The following PTPRD variants were observed in gnomAD, a reference collection of about 807,000 sequenced individuals.
PTPRD encodes the protein receptor-type tyrosine-protein phosphatase delta.
Under a neutral mutation model 214.5 loss-of-function variants are expected in PTPRD, and 34 were observed. The ratio of observed to expected loss-of-function variants is 0.16; its 90% CI spans 0.12 to 0.21. PTPRD has a LOEUF of 0.21. Among genes scored for constraint, PTPRD ranks in the 10% least tolerant of loss-of-function variants. The pLI, the probability that PTPRD is intolerant of heterozygous loss-of-function variation, is 1.00. For synonymous variants in PTPRD, 1,128 were observed against 845.7 expected, an observed-to-expected ratio of 1.33 and a Z score of -5.79; for missense variants, 2,545 against 2,398.7, an observed-to-expected ratio of 1.06 and a Z score of -1.27.
chr9:10,463,553 G>T (rs373193155), intron 2 of PTPRD, among the ~76,000 whole-genome samples: 1 of 152,116 alleles, frequency 6.6e-6, no homozygotes, highest in African/African-American at 2.4e-5. Context: ...AAAGTGTTGA[G>T]ATTGAATTCA....
chr9:10,152,578 C>G (rs535104585), intron 3 of PTPRD, among the ~76,000 whole-genome samples: 4 of 152,276 alleles, frequency 2.6e-5, no homozygotes, highest in Non-Finnish European at 4.4e-5. Flanking sequence ...GTAATCCCAG[C>G]ACTTTGGGAG....
intron 9 of PTPRD, among the ~76,000 whole-genome samples, chr9:9,302,789 T>C (rs1955890086): frequency 6.6e-6 from 1 of 151,772 alleles, no homozygotes; most frequent in African/African-American, 2.4e-5. Flanking sequence ...TTTAACTAGT[T>C]AACTCCTATG....
At chr9:10,065,070 C>T (rs945863013) in intron 3 of PTPRD, among the ~76,000 whole-genome samples, 7 of 150,828 alleles carry the variant, frequency 4.6e-5, no homozygotes, top group Non-Finnish European at 7.4e-5. Flanking sequence ...TTTGCCTTGC[C>T]TAGATTGCTA....
At chr9:9,864,536 T>G (rs2063517983) in intron 5 of PTPRD, among the ~76,000 whole-genome samples, 1 of 152,134 alleles carries the variant, frequency 6.6e-6, no homozygotes, top group African/African-American at 2.4e-5. Flanking sequence ...GTTTGTTTTT[T>G]GAGGCACGGT....
intron 11 of PTPRD, among the ~76,000 whole-genome samples, chr9:8,867,923 T>C (rs144585927): frequency 6.6e-6 from 1 of 152,258 alleles, no homozygotes; most frequent in African/African-American, 2.4e-5. Flanking sequence ...CTAGATTACA[T>C]TGTTGTTGTT....
chr9:8,548,117 A>G (rs1593368377), intron 14 of PTPRD, among the ~76,000 whole-genome samples: 2 of 152,214 alleles, frequency 1.3e-5, no homozygotes, highest in East Asian at 1.9e-4. Flanking sequence ...TAATTTTGAT[A>G]GAAATGTAGT....
chr9:9,197,639 G>A (rs1486638897), intron 9 of PTPRD, among the ~76,000 whole-genome samples: 1 of 152,092 alleles, frequency 6.6e-6, no homozygotes. Context: ...TCGAACTCCT[G>A]ACCTCAGGTG....
chr9:10,014,880 C>T (rs11788236), intron 4 of PTPRD, among the ~76,000 whole-genome samples: 1 of 151,976 alleles, frequency 6.6e-6, no homozygotes, highest in Admixed American at 6.6e-5. Context: ...AGACTTACTG[C>T]CCCACTTTAT....
Position 8,504,123 on chromosome 9 carries a change from C to T in PTPRD, c.1822+138G>A, listed in dbSNP as rs2097485578. ...AAAGAAGTCACAGTTACACTTTCAC[C>T]TGTGAAGTGTGATGCATACTAACCT... On this transcript the variant is annotated intron_variant, in intron 23 of 45. Transcript: ENST00000381196. 5.0e-6 allele frequency: 4 copies of T among 800,170 alleles called. No individual in the cohort carries two copies. The South Asian group carries it at 7.1e-5, about 14-fold the overall frequency. 49.6% of individuals were successfully genotyped at this position (800,170 alleles called of 1,614,324 possible).
intron 12 of PTPRD, among the ~76,000 whole-genome samples, chr9:8,678,136 C>T (rs554951067): frequency 3.3e-5 from 5 of 152,210 alleles, no homozygotes; most frequent in South Asian, 2.1e-4. Context: ...AAGTTTTGAA[C>T]GCATTAAACA....
intron 9 of PTPRD, among the ~76,000 whole-genome samples, chr9:9,355,227 C>T (rs997777532): frequency 1.3e-5 from 2 of 151,454 alleles, no homozygotes; most frequent in African/African-American, 4.8e-5. Flanking sequence ...ACCAATTATA[C>T]CTCGAAAAAG....
chr9:8,726,671 G>A (rs2098577893), intron 12 of PTPRD, among the ~76,000 whole-genome samples: 1 of 123,064 alleles, frequency 8.1e-6, no homozygotes, highest in Non-Finnish European at 1.7e-5. Flanking sequence ...TGTGGTGGTG[G>A]GCACCTGTAA....
intron 41 of PTPRD, 113 bp from the exon 42 acceptor site, chr9:8,340,582 T>C (rs1015060874): frequency 1.3e-4 from 134 of 1,059,556 alleles, no homozygotes; most frequent in Non-Finnish European, 1.5e-4. Flanking sequence ...ATATTATTAA[T>C]GCAATTGAGG....
At chr9:8,365,100 T>C (rs908373902) in intron 39 of PTPRD, among the ~76,000 whole-genome samples, 4 of 151,958 alleles carry the variant, frequency 2.6e-5, no homozygotes, top group African/African-American at 7.3e-5. Flanking sequence ...GTCAACCTCA[T>C]TGGCCTAATT....
intron 6 of PTPRD, among the ~76,000 whole-genome samples, chr9:9,751,450 T>A (rs1005980289): frequency 6.6e-6 from 1 of 152,062 alleles, no homozygotes; most frequent in African/African-American, 2.4e-5. Flanking sequence ...AATGACTACC[T>A]TTTATAAATT....
At chr9:10,206,172 G>A (rs1315730094) in intron 3 of PTPRD, among the ~76,000 whole-genome samples, 1 of 151,866 alleles carries the variant, frequency 6.6e-6, no homozygotes, top group Non-Finnish European at 1.5e-5. Context: ...CTTGTAAGGA[G>A]AAATAGCACG....
At chr9:9,203,316 G>C (rs10977568) in intron 9 of PTPRD, among the ~76,000 whole-genome samples, 31,143 of 151,880 alleles carry the variant, frequency 0.21, 3,293 homozygotes, top group East Asian at 0.33. Context: ...CTAGGTGATG[G>C]AGTCAGGGCC....
intron 7 of PTPRD, among the ~76,000 whole-genome samples, chr9:9,664,593 G>A (rs1474719972): frequency 6.6e-6 from 1 of 151,668 alleles, no homozygotes; most frequent in Non-Finnish European, 1.5e-5. Flanking sequence ...TCTTTTGTTA[G>A]ACAGTTCCAT....
chr9:9,370,850 T>C (rs2059286261), intron 9 of PTPRD, among the ~76,000 whole-genome samples: 1 of 151,892 alleles, frequency 6.6e-6, no homozygotes, highest in African/African-American at 2.4e-5. Flanking sequence ...AAAGGCCTTT[T>C]CTGCATCTAT....
Sources: allele counts gnomAD v4.1 joint callset (sites outside exome capture counted in the v4.1 genomes callset), GRCh38; gene constraint gnomAD v4.1.1; transcripts MANE v1.5; gene names NCBI Gene and HGNC (gene_info 2026-07-23, HGNC 2026-07-21).